Variants in NCAPD3 observed in about 807,000 individuals in gnomAD.
NCAPD3 encodes condensin-2 complex subunit D3.
In NCAPD3, 105 loss-of-function variants were observed where a neutral mutation model predicts 182.9. The ratio of observed to expected loss-of-function variants is 0.57; its 90% CI spans 0.49 to 0.68. The LOEUF is 0.68. Among genes scored for constraint, NCAPD3 ranks in the 30% least tolerant of loss-of-function variants. The probability of loss-of-function intolerance (pLI) is 0.00; values close to 1 mark genes in which losing one functional copy is unlikely to be tolerated. For missense variants in NCAPD3, 1,944 were observed against 1,837.0 expected, an observed-to-expected ratio of 1.06 and a Z score of -1.07; for synonymous variants, 815 against 679.9, an observed-to-expected ratio of 1.20 and a Z score of -3.09.
chr11:134,156,579 G>A (rs1565515139), intron 32 of NCAPD3, among the ~76,000 whole-genome samples: 2 of 152,188 alleles, frequency 1.3e-5, no homozygotes, highest in African/African-American at 4.8e-5. Flanking sequence ...CTCCGAGCAG[G>A]GGTCCCCGGG....
chr11:134,203,018 CCT>C, intron 12 of NCAPD3, 113 bp from the exon 13 acceptor site: 2 of 1,151,396 alleles, frequency 1.7e-6, no homozygotes, highest in Non-Finnish European at 2.5e-6. Flanking sequence ...TGAATTTCAA[CCT>C]CTCTCATGAA....
At chr11:134,212,615 C>T (rs549524652) in intron 3 of NCAPD3, among the ~76,000 whole-genome samples, 1 of 152,234 alleles carries the variant, frequency 6.6e-6, no homozygotes, top group East Asian at 1.9e-4. Flanking sequence ...TGGTCTAGAA[C>T]TCCTGACGTC....
rs566115227 is a variant in NCAPD3 at position 134,153,056 on chromosome 11, G to C, written c.4389-4C>G. 3.1e-6 allele frequency: 5 copies of C among 1,606,270 alleles called. No individual in the cohort carries two copies. The South Asian group carries it at 3.3e-5, about 11-fold the overall frequency. On this transcript the variant is annotated splice_polypyrimidine_tract_variant and splice_region_variant and intron_variant, in intron 34 of 34. Coordinates refer to ENST00000534548, the MANE Select transcript of NCAPD3 (RefSeq NM_015261.3). ...CCACTGCTGAGGCTGTGGGGGCCTA[G>C]GGAAAGGACATGTGCAGTCATTCTG... is the stretch of plus-strand genomic sequence containing the variant.
chr11:134,159,071 A>G (rs1029746245), intron 29 of NCAPD3, among the ~76,000 whole-genome samples: 1 of 152,198 alleles, frequency 6.6e-6, no homozygotes, highest in African/African-American at 2.4e-5. Flanking sequence ...TCATCCACTG[A>G]TGGACATTTG....
intron 4 of NCAPD3, 62 bp downstream of exon 4, chr11:134,210,206 TCA>T (rs1937779177): frequency 7.0e-7 from 1 of 1,426,976 alleles, no homozygotes; most frequent in Non-Finnish European, 9.6e-7. Flanking sequence ...TAGTATAAAG[TCA>T]ATCCTTAAAT....
chr11:134,180,977 T>C, intron 20 of NCAPD3, 100 bp downstream of exon 20: 3 of 809,856 alleles, frequency 3.7e-6, no homozygotes, highest in Non-Finnish European at 4.0e-6. Context: ...ACAGCTCTTT[T>C]GTTAAAAGCA....
chr11:134,211,507 AC>A (rs760872839), intron 3 of NCAPD3, among the ~76,000 whole-genome samples: 2 of 152,190 alleles, frequency 1.3e-5, no homozygotes, highest in Non-Finnish European at 2.9e-5. Context: ...GGGAAAAAAA[AC>A]AACACAAAAT....
At chr11:134,163,170 G>A (rs939013618) in intron 27 of NCAPD3, among the ~76,000 whole-genome samples, 1 of 152,208 alleles carries the variant, frequency 6.6e-6, no homozygotes, top group African/African-American at 2.4e-5. Context: ...TTATTCAGAA[G>A]ATGACAGGAA....
Position 134,150,224 on chromosome 11 carries a change from T to C in NCAPD3, c.*2720A>G, listed in dbSNP as rs973849631. 2.0e-5 allele frequency: 3 copies of C among 152,306 alleles called. No individual in the cohort carries two copies. Among genetic ancestry groups the C allele is most frequent in the African/African-American group, 7.2e-5 (3 of 41,458 alleles). The allele number at this position is 152,306 out of a possible 1,614,324, so 9.4% of individuals were successfully genotyped here. A position where few individuals can be genotyped will look rare whatever the true frequency, so the allele number is the denominator to read the frequency against. ...AGACCATAGTTGCTTAGGAAACCTT[T>C]AAAAATTCCAGTTAAGCAATGTTGA... On this transcript the variant is annotated 3_prime_UTR_variant, in exon 35 of 35. Coordinates refer to ENST00000534548, the MANE Select transcript of NCAPD3 (RefSeq NM_015261.3).
At chr11:134,163,667 C>A (rs1943659972) in intron 27 of NCAPD3, among the ~76,000 whole-genome samples, 1 of 144,622 alleles carries the variant, frequency 6.9e-6, no homozygotes, top group Admixed American at 7.1e-5. Flanking sequence ...TACCACTGCA[C>A]TCCAGCCTGG....
chr11:134,192,685 C>G lies in NCAPD3; in HGVS notation c.2045+4G>C, dbSNP rs1296865080. 5.6e-6 allele frequency: 9 copies of G among 1,611,614 alleles called. No individual in the cohort carries two copies. Among genetic ancestry groups the G allele is most frequent in the Non-Finnish European group, 7.6e-6 (9 of 1,177,712 alleles). ...AGGGAACACAGGTCATACAGTTAAC[C>G]TACCTCAGTTCCTGGCTTTCGGTGG... On this transcript the variant is annotated splice_donor_region_variant and intron_variant, in intron 16 of 34. Coordinates refer to ENST00000534548, the MANE Select transcript of NCAPD3 (RefSeq NM_015261.3).
At chr11:134,206,575 A>C (rs181483979) in intron 8 of NCAPD3, 24 bp downstream of exon 8, 1 of 1,612,942 alleles carries the variant, frequency 6.2e-7, no homozygotes, top group East Asian at 2.2e-5. Context: ...GACAGGGTGA[A>C]AATTCACGAT....
At chr11:134,223,556 A>G in intron 1 of NCAPD3, 1 of 691,880 alleles carries the variant, frequency 1.4e-6, no homozygotes, top group Non-Finnish European at 2.7e-6. Flanking sequence ...CTTAATAGGT[A>G]AGAATAGATA....
rs116980319 is a variant in NCAPD3, at chr11:134,158,513, G to C, written c.3868-18C>G. Reference sequence around the variant, plus strand: ...AGGGCAACCTGGTAGAGAAGATAAAGAGTATGTACATTCTAATACTTTTTA... The same window carrying C: ...AGGGCAACCTGGTAGAGAAGATAAACAGTATGTACATTCTAATACTTTTTA... On this transcript the variant is annotated intron_variant, in intron 29 of 34. Transcript: ENST00000534548. The C allele has an allele frequency of 8.1e-5, 130 of 1,608,770 alleles. No homozygotes were observed. Among genetic ancestry groups the C allele is most frequent in the Admixed American group, 4.2e-4 (25 of 59,998 alleles).
intron 4 of NCAPD3, chr11:134,209,739 T>A (rs891676288): frequency 7.8e-6 from 3 of 385,714 alleles, no homozygotes; most frequent in African/African-American, 6.2e-5. Flanking sequence ...GTCTATGAAA[T>A]TCTGTCATTC....
intron 25 of NCAPD3, 122 bp downstream of exon 25, chr11:134,168,795 G>A: frequency 2.1e-6 from 3 of 1,418,938 alleles, no homozygotes. Context: ...ATCCTGCCAA[G>A]CCACAGTAAA....
chr11:134,217,142 T>A (rs1333750675), intron 2 of NCAPD3, 44 bp from the exon 3 acceptor site: 2 of 1,487,282 alleles, frequency 1.3e-6, no homozygotes, highest in Non-Finnish European at 1.8e-6. Context: ...ATTAGAGAAA[T>A]GGAAACATTT....
At chr11:134,212,579 G>A (rs1402022849) in intron 3 of NCAPD3, among the ~76,000 whole-genome samples, 1 of 152,040 alleles carries the variant, frequency 6.6e-6, no homozygotes, top group East Asian at 1.9e-4. Context: ...TTTTGGTAGA[G>A]ATGGGTTTCA....
rs1338762843 is a variant in NCAPD3, at chr11:134,192,818, G to A, written c.1916C>T (p.Ala639Val). 2 of 1,614,020 alleles carry A rather than the reference G, an allele frequency of 1.2e-6. No individual in the cohort carries two copies. Among genetic ancestry groups the A allele is most frequent in the Non-Finnish European group, 1.7e-6 (2 of 1,179,888 alleles). ...CAGCAGCTGGTCCAGGAACTCCAGG[G>A]CCTTCTCCTGCACAGTGCTCTCGCA... The part of the protein sequence containing the change: ...MDCESTVQEK[A>V]LEFLDQLLLQ... Residue 639 changes from alanine to valine, a missense_variant, in exon 16 of 35, where the codon GCC becomes GTC. Ala to Val is a moderately conservative substitution (Grantham distance 64). Around this residue, in one of 3 missense-constraint regions of NCAPD3, gnomAD observed 1,803 missense variants for 1,674.6 expected, o/e 1.08. Transcript: ENST00000534548.
Sources: allele counts gnomAD v4.1 joint callset (sites outside exome capture counted in the v4.1 genomes callset), GRCh38; gene constraint gnomAD v4.1.1; regional missense constraint gnomAD v4.1.1; transcripts MANE v1.5; gene names NCBI Gene and HGNC (gene_info 2026-07-23, HGNC 2026-07-21).